JAZF1: variants seen among roughly 807,000 people sequenced by gnomAD.
The protein encoded by JAZF1 is juxtaposed with another zinc finger protein 1.
JAZF1 carries 8 observed loss-of-function variants against 26.4 expected under a neutral mutation model. That is an observed-to-expected ratio of 0.30 (90% CI 0.18 to 0.55). The LOEUF is 0.55. Among genes scored for constraint, JAZF1 ranks in the 20% least tolerant of loss-of-function variants. JAZF1 has a pLI of 0.94. For missense variants in JAZF1, 199 were observed against 322.0 expected (o/e 0.62, Z 2.92); for synonymous variants, 126 against 122.3 (o/e 1.03, Z -0.20).
At chr7:27,904,301 TGCTA>T (rs546407336) in intron 2 of JAZF1, among the ~76,000 whole-genome samples, 21 of 152,338 alleles carry the variant, frequency 1.4e-4, no homozygotes, top group African/African-American at 5.1e-4. Context: ...AACGTACATC[TGCTA>T]ATAAATTCAT....
At chr7:28,011,450 C>G (rs538047625) in intron 1 of JAZF1, among the ~76,000 whole-genome samples, 1 of 152,142 alleles carries the variant, frequency 6.6e-6, no homozygotes, top group Non-Finnish European at 1.5e-5. Context: ...AAACACTTCA[C>G]GCAAGGACTT....
chr7:27,920,752 T>C (rs1472227569), intron 2 of JAZF1, among the ~76,000 whole-genome samples: 4 of 152,146 alleles, frequency 2.6e-5, no homozygotes, highest in Non-Finnish European at 5.9e-5. Context: ...GAGTAAGATA[T>C]CACCTGCTAA....
At position 27,875,268 on chromosome 7, in the gene JAZF1, C is replaced by T. The variant is rs1259403180; in HGVS notation, c.385+19952G>A. On this transcript the variant is annotated intron_variant, in intron 3 of 4. Coordinates refer to ENST00000283928, the MANE Select transcript of JAZF1 (RefSeq NM_175061.4). ...TACTCCAAAACATTCCGAGTTCATCCGCACTTCCCTGCTCTGTGATCCTCG... is the reference window on the plus strand; with the variant it reads ...TACTCCAAAACATTCCGAGTTCATCTGCACTTCCCTGCTCTGTGATCCTCG... Among the ~76,000 whole-genome samples, 8 of 152,266 alleles carry T rather than the reference C, an allele frequency of 5.3e-5. No individual in the cohort carries two copies. The South Asian group carries it at 1.2e-3, about 24-fold the overall frequency.
Position 28,141,637 on chromosome 7 carries a change from T to C in JAZF1, c.115+38826A>G, listed in dbSNP as rs556834084. 4.7e-4 allele frequency among the ~76,000 whole-genome samples: 71 copies of C among 152,290 alleles called. 2 individuals are homozygous for C. The South Asian group carries it at 0.014, about 30-fold the overall frequency. On this transcript the variant is annotated intron_variant, in intron 1 of 4. Coordinates refer to ENST00000283928, the MANE Select transcript of JAZF1 (RefSeq NM_175061.4). ...AAGAAAAAGAAATCCTGGTTTTTAGTACAAATGTTCATATACAGTAAGTTC... is the reference window on the plus strand; with the variant it reads ...AAGAAAAAGAAATCCTGGTTTTTAGCACAAATGTTCATATACAGTAAGTTC...
At chr7:28,097,789 A>T (rs888736889) in intron 1 of JAZF1, among the ~76,000 whole-genome samples, 2 of 152,134 alleles carry the variant, frequency 1.3e-5, no homozygotes, top group African/African-American at 2.4e-5. Context: ...GTCATTTTGC[A>T]TGTAGAAATG....
intron 2 of JAZF1, among the ~76,000 whole-genome samples, chr7:27,988,293 G>A (rs893702191): frequency 1.3e-5 from 2 of 151,376 alleles, no homozygotes; most frequent in African/African-American, 2.4e-5. Context: ...CTATTTTTTA[G>A]CATAAGTAAG....
At chr7:27,857,517 G>A (rs1021885228) in intron 3 of JAZF1, among the ~76,000 whole-genome samples, 3 of 152,260 alleles carry the variant, frequency 2.0e-5, no homozygotes, top group African/African-American at 7.2e-5. Flanking sequence ...CAAGGCTGAG[G>A]AGGCGCCGAG....
intron 2 of JAZF1, among the ~76,000 whole-genome samples, chr7:27,976,538 A>G (rs1785476381): frequency 1.3e-5 from 2 of 152,070 alleles, no homozygotes; most frequent in African/African-American, 2.4e-5. Context: ...AGAGCATGCA[A>G]CATGTTTATT....
chr7:27,888,085 T>C (rs1431407165), intron 3 of JAZF1, among the ~76,000 whole-genome samples: 1 of 152,216 alleles, frequency 6.6e-6, no homozygotes, highest in Non-Finnish European at 1.5e-5. Context: ...CATCTTCTCA[T>C]TCTCCAGCTA....
chr7:27,879,436 C>G (rs565470754), intron 3 of JAZF1, among the ~76,000 whole-genome samples: 3 of 152,128 alleles, frequency 2.0e-5, no homozygotes, highest in Admixed American at 1.3e-4. Context: ...GCATCATGAA[C>G]AGAGAGGGAA....
intron 1 of JAZF1, among the ~76,000 whole-genome samples, chr7:28,176,436 A>G (rs577901507): frequency 5.4e-4 from 82 of 152,286 alleles, no homozygotes; most frequent in Non-Finnish European, 9.3e-4. Context: ...TTTGTCTCCC[A>G]TATCAGCCTC....
intron 1 of JAZF1, among the ~76,000 whole-genome samples, chr7:28,010,971 T>C (rs1782789220): frequency 1.3e-5 from 2 of 152,234 alleles, no homozygotes; most frequent in East Asian, 3.8e-4. Flanking sequence ...AGACAACTGC[T>C]GCTTACTGTG....
chr7:27,962,608 A>C (rs1350952660), intron 2 of JAZF1, among the ~76,000 whole-genome samples: 1 of 152,244 alleles, frequency 6.6e-6, no homozygotes, highest in Non-Finnish European at 1.5e-5. Flanking sequence ...TGAATGCAGA[A>C]CTAACAAATC....
chr7:28,048,986 CCCTT>C (rs201158441), intron 1 of JAZF1, among the ~76,000 whole-genome samples: 8 of 142,792 alleles, frequency 5.6e-5, no homozygotes, highest in African/African-American at 1.0e-4. Flanking sequence ...TCCCTTCCTT[CCCTT>C]CCTTCCTTCC....
At chr7:27,929,458 C>G (rs1290236622) in intron 2 of JAZF1, among the ~76,000 whole-genome samples, 1 of 152,242 alleles carries the variant, frequency 6.6e-6, no homozygotes, top group East Asian at 1.9e-4. Flanking sequence ...AAAACCTTCA[C>G]TACAGGGTAT....
chr7:27,855,816 T>G (rs1783238976), intron 3 of JAZF1, among the ~76,000 whole-genome samples: 1 of 152,128 alleles, frequency 6.6e-6, no homozygotes, highest in Non-Finnish European at 1.5e-5. Flanking sequence ...CCTTCTGAAA[T>G]GATTCCAAAC....
At chr7:27,945,749 C>T (rs4722746) in intron 2 of JAZF1, among the ~76,000 whole-genome samples, 145,438 of 152,314 alleles carry the variant, frequency 0.95, 69,524 homozygotes, top group East Asian at 1. Flanking sequence ...CTGGAAATGA[C>T]AGGTCTTTCT....
At chr7:27,896,987 C>G (rs916556132) in intron 2 of JAZF1, among the ~76,000 whole-genome samples, 1 of 152,186 alleles carries the variant, frequency 6.6e-6, no homozygotes, top group Non-Finnish European at 1.5e-5. Context: ...TCTTCAGATG[C>G]AAAACTGGTT....
In JAZF1 at chr7:27,988,395, G is replaced by C. The variant is rs187537333; in HGVS notation, c.188+3514C>G. 5.5e-3 allele frequency among the ~76,000 whole-genome samples: 783 copies of C among 141,154 alleles called. 9 individuals are homozygous for C. Among genetic ancestry groups the C allele is most frequent in the African/African-American group, 0.02 (755 of 37,316 alleles). The allele number at this position is 141,154 out of a possible 152,430, so 92.6% of individuals were successfully genotyped here. On this transcript the variant is annotated intron_variant, in intron 2 of 4. Transcript: ENST00000283928. ...TGTAAATTTTTTTTTTTTTTTTTGA[G>C]ACAGTGTCTCCCCCCATTACCCAGG...
Sources: allele counts gnomAD v4.1 joint callset (sites outside exome capture counted in the v4.1 genomes callset), GRCh38; gene constraint gnomAD v4.1.1; transcripts MANE v1.5; gene names NCBI Gene and HGNC (gene_info 2026-07-23, HGNC 2026-07-21).